Variants in CENPP observed in about 807,000 individuals in gnomAD.
CENPP encodes centromere protein P.
Under a neutral mutation model 35.6 loss-of-function variants are expected in CENPP, and 24 were observed. The observed-to-expected ratio is 0.67, with a 90% CI of 0.49 to 0.95. CENPP has a LOEUF of 0.95. CENPP is among the 40% of genes least tolerant of loss of function. The pLI is 0.00. For missense variants in CENPP, 332 were observed against 345.3 expected (o/e 0.96, Z 0.31); for synonymous variants, 120 against 125.5 (o/e 0.96, Z 0.29).
rs1329569793 is a variant in CENPP, at chr9:92,619,621, C to T, written c.*6472C>T. On this transcript the variant is annotated 3_prime_UTR_variant, in exon 8 of 8. Transcript: ENST00000375587. ...CACACAGGAAGCCTCTGCCCCCCCA[C>T]ACAACCTTCCTTCCCAGTAGCCAAG... The T allele has an allele frequency of 1.4e-6, 2 of 1,437,456 alleles. No homozygotes were observed. The highest frequency in any genetic ancestry group is 1.9e-6 in the Non-Finnish European group (2 of 1,044,716). The allele number at this position is 1,437,456 out of a possible 1,614,324, so 89.0% of individuals were successfully genotyped here.
Position 92,619,633 on chromosome 9 carries a change from T to G in CENPP, c.*6484T>G, listed in dbSNP as rs1434204199. On this transcript the variant is annotated 3_prime_UTR_variant, in exon 8 of 8. Coordinates refer to ENST00000375587, the MANE Select transcript of CENPP (RefSeq NM_001012267.3). ...CTCTGCCCCCCCACACAACCTTCCT[T>G]CCCAGTAGCCAAGTGTGGGAACTGC... is the stretch of plus-strand genomic sequence containing the variant. 1.5e-5 allele frequency: 21 copies of G among 1,369,070 alleles called. No individual in the cohort carries two copies. The highest frequency in any genetic ancestry group is 2.1e-5 in the Non-Finnish European group (21 of 984,088). The allele number at this position is 1,369,070 out of a possible 1,614,324, so 84.8% of individuals were successfully genotyped here.
intron 5 of CENPP, chr9:92,600,341 C>A: frequency 6.6e-7 from 1 of 1,525,040 alleles, no homozygotes. Context: ...ATTAAAATTC[C>A]CCAGCTCTTC....
At chr9:92,532,020 T>C (rs1290717155) in intron 5 of CENPP, among the ~76,000 whole-genome samples, 2 of 127,472 alleles carry the variant, frequency 1.6e-5, no homozygotes, top group Non-Finnish European at 3.2e-5. Context: ...TTAATGTTTT[T>C]TTTTTTTTAT....
intron 5 of CENPP, among the ~76,000 whole-genome samples, chr9:92,523,139 G>A (rs1180353057): frequency 6.6e-6 from 1 of 151,700 alleles, no homozygotes; most frequent in African/African-American, 2.4e-5. Flanking sequence ...GGAGTGCAGT[G>A]GTTCAGTCAT....
chr9:92,566,144 T>C (rs1849961793), intron 5 of CENPP, among the ~76,000 whole-genome samples: 1 of 151,680 alleles, frequency 6.6e-6, no homozygotes, highest in South Asian at 2.1e-4. Flanking sequence ...CTACTAAAAA[T>C]ACAAAAATTA....
chr9:92,595,990 C>T (rs1449853984), intron 5 of CENPP, among the ~76,000 whole-genome samples: 1 of 151,620 alleles, frequency 6.6e-6, no homozygotes, highest in African/African-American at 2.4e-5. Flanking sequence ...AATTCTATAC[C>T]CAAACTATTC....
chr9:92,332,250 T>C lies in CENPP; in HGVS notation c.188T>C (p.Leu63Ser). ...GATCTGAAAAATCAGCTTGGACATT[T>C]AGAATCAGAACTTTCATTTCTAAGT... ...SKDLKNQLGH[L>S]ESELSFLSTL... The change falls in exon 2 of 8, where the codon TTA becomes TCA. Residue 63 changes from leucine to serine, a missense_variant. Coordinates refer to ENST00000375587, the MANE Select transcript of CENPP (RefSeq NM_001012267.3). 6.2e-7 allele frequency: 1 copy of C among 1,613,260 alleles called. No individual in the cohort carries two copies.
chr9:92,365,836 G>C (rs1440363709), intron 4 of CENPP, among the ~76,000 whole-genome samples: 1 of 151,364 alleles, frequency 6.6e-6, no homozygotes, highest in Non-Finnish European at 1.5e-5. Context: ...ATTAGAAAAG[G>C]TGTTTAATCT....
intron 5 of CENPP, among the ~76,000 whole-genome samples, chr9:92,601,978 G>A (rs780884326): frequency 2.0e-4 from 31 of 152,166 alleles, no homozygotes; most frequent in Non-Finnish European, 3.8e-4. Context: ...CAGGAGCAAC[G>A]AGCCCAGGTC....
intron 3 of CENPP, 74 bp downstream of exon 3, chr9:92,337,703 C>G: frequency 1.1e-6 from 1 of 941,640 alleles, no homozygotes; most frequent in Non-Finnish European, 1.8e-6. Flanking sequence ...CCCCAGCCTT[C>G]AACAGTGATG....
chr9:92,539,667 A>C (rs1849271581), intron 5 of CENPP, among the ~76,000 whole-genome samples: 1 of 152,056 alleles, frequency 6.6e-6, no homozygotes, highest in Non-Finnish European at 1.5e-5. Flanking sequence ...AAGTGAGGGG[A>C]GGAGTAGTAT....
intron 1 of CENPP, among the ~76,000 whole-genome samples, chr9:92,329,020 C>T (rs1390301879): frequency 6.6e-6 from 1 of 152,206 alleles, no homozygotes; most frequent in Non-Finnish European, 1.5e-5. Context: ...CTACTAGCCA[C>T]TCTGACAACT....
chr9:92,604,165 ATG>A (rs1851007654), intron 5 of CENPP, among the ~76,000 whole-genome samples: 1 of 152,218 alleles, frequency 6.6e-6, no homozygotes, highest in Non-Finnish European at 1.5e-5. Flanking sequence ...GCAGCAGTGT[ATG>A]TTAGTTCCAG....
chr9:92,390,423 T>A (rs1024960436), intron 5 of CENPP, among the ~76,000 whole-genome samples: 6 of 152,214 alleles, frequency 3.9e-5, no homozygotes, highest in Non-Finnish European at 7.3e-5. Context: ...TAATTTTTTT[T>A]ATTTTTTTGC....
intron 5 of CENPP, chr9:92,482,409 TA>T (rs1446002469): frequency 2.6e-5 from 4 of 152,092 alleles, no homozygotes; most frequent in Admixed American, 6.5e-5. Flanking sequence ...GTATTACATT[TA>T]AAAGAAAAAA....
rs1841371723 is a variant in CENPP at position 92,348,891 on chromosome 9, A to G, written c.467+3104A>G. Among the ~76,000 whole-genome samples, 3 of 151,390 alleles carry G rather than the reference A, an allele frequency of 2.0e-5. No individual in the cohort carries two copies. The South Asian group carries it at 6.2e-4, about 31-fold the overall frequency. ...AATCTGGATTGCATAGGTTGTGACA[A>G]AAAGACTGCGATGATTGTTATCTTT... On this transcript the variant is annotated intron_variant, in intron 4 of 7. Transcript: ENST00000375587.
At chr9:92,514,414 A>G (rs1223640712) in intron 5 of CENPP, among the ~76,000 whole-genome samples, 6 of 151,702 alleles carry the variant, frequency 4.0e-5, no homozygotes, top group African/African-American at 1.5e-4. Context: ...AGCTGGGATT[A>G]CAGGCATGCC....
At chr9:92,474,636 A>G in intron 5 of CENPP, 1 of 1,611,226 alleles carries the variant, frequency 6.2e-7, no homozygotes, top group Non-Finnish European at 8.5e-7. Context: ...AAATCTGAGC[A>G]ATGTACAACT....
At chr9:92,604,016 C>T (rs1851002271) in intron 5 of CENPP, among the ~76,000 whole-genome samples, 1 of 152,212 alleles carries the variant, frequency 6.6e-6, no homozygotes, top group African/African-American at 2.4e-5. Flanking sequence ...GGCGCTCTTA[C>T]TAATGATCGT....
Sources: gnomAD v4.1 joint callset for allele counts (sites outside exome capture counted in the v4.1 genomes callset) on GRCh38, gnomAD v4.1.1 for gene constraint, MANE v1.5 for transcripts, NCBI Gene and HGNC (gene_info 2026-07-23, HGNC 2026-07-21) for gene names.